The following RMDN2 variants were observed in gnomAD, a reference collection of about 807,000 sequenced individuals.
The protein encoded by RMDN2 is regulator of microtubule dynamics 2, also known as regulator of microtubule dynamics protein 2.
Under a neutral mutation model 52.8 loss-of-function variants are expected in RMDN2, and 61 were observed. That is an observed-to-expected ratio of 1.16 (90% confidence interval 0.94 to 1.43). The LOEUF (loss-of-function observed/expected upper bound fraction) is 1.43, where lower values mean the gene tolerates loss of function less well. Ranked by LOEUF, RMDN2 falls within the 40% of genes most tolerant of loss-of-function variation. The pLI, the probability that RMDN2 is intolerant of heterozygous loss-of-function variation, is 0.00. For synonymous variants in RMDN2, 180 were observed against 153.1 expected, an observed-to-expected ratio of 1.18 and a Z score of -1.30; for missense variants, 592 against 475.3, an observed-to-expected ratio of 1.25 and a Z score of -2.28.
At chr2:37,962,264 C>T (rs1329647821) in intron 2 of RMDN2, among the ~76,000 whole-genome samples, 7 of 152,206 alleles carry the variant, frequency 4.6e-5, no homozygotes, top group South Asian at 2.1e-4. Context: ...CAGGCAGAAA[C>T]GTTTAAGTCT....
intron 2 of RMDN2, among the ~76,000 whole-genome samples, chr2:37,971,156 A>G (rs910060285): frequency 4.6e-5 from 7 of 152,066 alleles, no homozygotes; most frequent in Non-Finnish European, 8.8e-5. Context: ...ATTTGCTCCT[A>G]TGTTTTCTTA....
intron 10 of RMDN2, among the ~76,000 whole-genome samples, chr2:38,013,215 G>A (rs1678251692): frequency 6.6e-6 from 1 of 152,226 alleles, no homozygotes; most frequent in Admixed American, 6.5e-5. Context: ...CTGGCAACCT[G>A]AAAGTTGTTT....
At chr2:37,953,279 A>G (rs1669064993) in intron 2 of RMDN2, among the ~76,000 whole-genome samples, 1 of 151,992 alleles carries the variant, frequency 6.6e-6, no homozygotes, top group African/African-American at 2.4e-5. Context: ...AGCCATCACC[A>G]CCATCCGTTT....
chr2:38,045,485 G>A (rs1350459873), intron 10 of RMDN2, among the ~76,000 whole-genome samples: 1 of 152,142 alleles, frequency 6.6e-6, no homozygotes, highest in Non-Finnish European at 1.5e-5. Flanking sequence ...TTAAAAAGGA[G>A]CAGGCAACTT....
chr2:37,933,544 C>T (rs1261417254), intron 2 of RMDN2, among the ~76,000 whole-genome samples: 3 of 152,260 alleles, frequency 2.0e-5, no homozygotes, highest in Admixed American at 6.5e-5. Flanking sequence ...CCGAGGCTGG[C>T]GGATCGCTCG....
intron 2 of RMDN2, among the ~76,000 whole-genome samples, chr2:37,931,619 A>G (rs1666751023): frequency 6.6e-6 from 1 of 152,258 alleles, no homozygotes; most frequent in Non-Finnish European, 1.5e-5. Flanking sequence ...AAGTTCTGAA[A>G]TTCTAGAAAA....
At chr2:38,036,768 C>T (rs1680611815) in intron 10 of RMDN2, 1 of 152,170 alleles carries the variant, frequency 6.6e-6, no homozygotes, top group Non-Finnish European at 1.5e-5. Flanking sequence ...AGAGACAGAC[C>T]CTCGGATTCC....
chr2:37,990,842 A>C (rs556846389), intron 6 of RMDN2, among the ~76,000 whole-genome samples: 38 of 151,920 alleles, frequency 2.5e-4, no homozygotes, highest in African/African-American at 8.2e-4. Context: ...CCCCCATCTA[A>C]CTCTGCTATT....
intron 10 of RMDN2, among the ~76,000 whole-genome samples, chr2:38,066,537 G>C: frequency 6.6e-6 from 1 of 152,200 alleles, no homozygotes; most frequent in Non-Finnish European, 1.5e-5. Context: ...AAAAAACGGA[G>C]AGTTAACAGC....
At position 37,958,416 on chromosome 2, in the gene RMDN2, G is replaced by A. The variant is rs1423825849; in HGVS notation, c.453-15624G>A. Reference sequence around the variant, plus strand: ...TATTCTATTTGTAGCAATTGTGAATGGGAGTTCACTCATGATTTAGCTCTC... The same window carrying A: ...TATTCTATTTGTAGCAATTGTGAATAGGAGTTCACTCATGATTTAGCTCTC... On this transcript the variant is annotated intron_variant, in intron 2 of 10. Transcript: ENST00000354545. Among the ~76,000 whole-genome samples the A allele has an allele frequency of 2.1e-5, 3 of 144,882 alleles. No individual in the cohort carries two copies. In the East Asian group the frequency reaches 5.8e-4, roughly 28 times the overall value.
intron 2 of RMDN2, among the ~76,000 whole-genome samples, chr2:37,939,654 G>A (rs1558444794): frequency 6.6e-6 from 1 of 151,740 alleles, no homozygotes; most frequent in Non-Finnish European, 1.5e-5. Context: ...AATGCCCTTC[G>A]TCTTTTTTGA....
chr2:37,964,127 C>T (rs1030177310), intron 2 of RMDN2, among the ~76,000 whole-genome samples: 1 of 151,934 alleles, frequency 6.6e-6, no homozygotes, highest in South Asian at 2.1e-4. Context: ...AGGGGCTCCT[C>T]ACTTCTCAGA....
chr2:37,949,265 A>C (rs1668499854), intron 2 of RMDN2, among the ~76,000 whole-genome samples: 1 of 152,190 alleles, frequency 6.6e-6, no homozygotes, highest in South Asian at 2.1e-4. Flanking sequence ...TCTGGTGAGC[A>C]ACCTTGAAGA....
intron 2 of RMDN2, among the ~76,000 whole-genome samples, chr2:37,971,181 T>A (rs981165988): frequency 4.6e-5 from 7 of 152,160 alleles, no homozygotes; most frequent in Non-Finnish European, 8.8e-5. Context: ...AAAGAAAACA[T>A]ATACATATAA....
chr2:37,951,659 A>T (rs761444515), intron 2 of RMDN2: 23 of 1,613,304 alleles, frequency 1.4e-5, no homozygotes, highest in Admixed American at 6.7e-5. Context: ...ATCCTCAAGC[A>T]AGTGGCCAGA....
Position 37,952,066 on chromosome 2 carries a change from C to T in RMDN2, c.453-21974C>T, listed in dbSNP as rs369568955. 1.5e-5 allele frequency: 24 copies of T among 1,613,100 alleles called. 1 individual carries two copies. The African/African-American group carries it at 1.9e-4, about 13-fold the overall frequency. On this transcript the variant is annotated intron_variant, in intron 2 of 10. Coordinates refer to ENST00000354545, the MANE Select transcript of RMDN2 (RefSeq NM_001170791.3). ...CCATTCCTCCATAAAGCTGGATTTT[C>T]TTCATCTTATAAAAATTCTGGTTGC...
At chr2:38,020,032 G>C (rs1249171639), downstream of RMDN2, among the ~76,000 whole-genome samples, 1 of 152,120 alleles carries the variant, frequency 6.6e-6, no homozygotes, top group African/African-American at 2.4e-5. Context: ...ACTAGAATCT[G>C]ATAACCTAGA....
intron 10 of RMDN2, among the ~76,000 whole-genome samples, chr2:38,031,745 A>G (rs529432673): frequency 6.6e-6 from 1 of 152,198 alleles, no homozygotes; most frequent in Non-Finnish European, 1.5e-5. Context: ...AAAGATGCAC[A>G]TCCTCATTTG....
At chr2:37,954,777 G>A (rs1038473441) in intron 2 of RMDN2, among the ~76,000 whole-genome samples, 4 of 152,070 alleles carry the variant, frequency 2.6e-5, no homozygotes, top group Non-Finnish European at 5.9e-5. Flanking sequence ...CATTGCATCT[G>A]TAGATTATTT....
Sources: allele counts gnomAD v4.1 joint callset (sites outside exome capture counted in the v4.1 genomes callset), GRCh38; gene constraint gnomAD v4.1.1; transcripts MANE v1.5; gene names NCBI Gene and HGNC (gene_info 2026-07-23, HGNC 2026-07-21).